Variants in FGF12 observed in about 807,000 individuals in gnomAD.
FGF12 encodes the protein fibroblast growth factor 12B.
FGF12 carries 14 observed loss-of-function variants against 23.6 expected under a neutral mutation model. That is an observed-to-expected ratio of 0.59 (90% CI 0.39 to 0.93). The LOEUF is 0.93. FGF12 is among the 40% of genes least tolerant of loss of function. FGF12 has a pLI of 0.00. For missense variants in FGF12, 175 were observed against 217.8 expected, an observed-to-expected ratio of 0.80 and a Z score of 1.24; for synonymous variants, 62 against 77.3, an observed-to-expected ratio of 0.80 and a Z score of 1.04.
At chr3:192,686,457 G>T (rs77942229) in intron 2 of FGF12, among the ~76,000 whole-genome samples, 5,700 of 152,080 alleles carry the variant, frequency 0.037, 380 homozygotes, top group African/African-American at 0.13. Context: ...TCCAGTTTGG[G>T]CACCCACCAT....
chr3:192,176,882 G>A (rs372847861), intron 4 of FGF12, among the ~76,000 whole-genome samples: 3 of 152,266 alleles, frequency 2.0e-5, no homozygotes, highest in South Asian at 4.1e-4. Context: ...TTTCCATTCT[G>A]TCTCCAACTA....
At chr3:192,195,934 C>T (rs950163260) in intron 4 of FGF12, among the ~76,000 whole-genome samples, 2 of 152,130 alleles carry the variant, frequency 1.3e-5, no homozygotes, top group African/African-American at 4.8e-5. Flanking sequence ...AGTCACCATG[C>T]TATAGAAGAG....
At chr3:192,519,125 TA>T (rs1470583629) in intron 2 of FGF12, among the ~76,000 whole-genome samples, 4 of 152,154 alleles carry the variant, frequency 2.6e-5, no homozygotes, top group Admixed American at 2.6e-4. Context: ...TTAACTAAAC[TA>T]CAAACTTTAT....
chr3:192,574,084 T>C (rs1712772763), intron 2 of FGF12, among the ~76,000 whole-genome samples: 1 of 152,246 alleles, frequency 6.6e-6, no homozygotes, highest in Non-Finnish European at 1.5e-5. Context: ...GCTATAAAGC[T>C]AGATGCTGCT....
intron 2 of FGF12, among the ~76,000 whole-genome samples, chr3:192,402,962 C>T (rs1194249810): frequency 6.6e-6 from 1 of 152,072 alleles, no homozygotes; most frequent in East Asian, 1.9e-4. Context: ...TCAAGCGTGT[C>T]CTCTATGTCT....
chr3:192,204,828 G>C (rs1323236698), intron 4 of FGF12, among the ~76,000 whole-genome samples: 1 of 152,074 alleles, frequency 6.6e-6, no homozygotes, highest in African/African-American at 2.4e-5. Context: ...AGATGTTGTG[G>C]TGAGCCAAGA....
At chr3:192,418,680 T>A (rs1721430164) in intron 2 of FGF12, among the ~76,000 whole-genome samples, 1 of 152,034 alleles carries the variant, frequency 6.6e-6, no homozygotes, top group Non-Finnish European at 1.5e-5. Context: ...GACAGTGAGT[T>A]CTCATGAGAT....
rs199507101 is a variant in FGF12, at chr3:192,199,204, G to A, written c.229-28548C>T. ...AATGGGGCAAGGGGAGAAAAGGGAT[G>A]AGATAATCTCAGATCTGTTCTATGT... On this transcript the variant is annotated intron_variant, in intron 4 of 5. Transcript: ENST00000445105. Among the ~76,000 whole-genome samples, 9 of 152,198 alleles carry A rather than the reference G, an allele frequency of 5.9e-5. No homozygotes were observed. The East Asian group carries it at 1.7e-3, about 29-fold the overall frequency.
At chr3:192,197,304 G>A (rs893481090) in intron 4 of FGF12, among the ~76,000 whole-genome samples, 2 of 152,076 alleles carry the variant, frequency 1.3e-5, no homozygotes, top group African/African-American at 4.8e-5. Flanking sequence ...TTTCAAACAC[G>A]TATCGTGTGT....
intron 2 of FGF12, among the ~76,000 whole-genome samples, chr3:192,634,134 C>A (rs899415030): frequency 7.6e-6 from 1 of 130,972 alleles, no homozygotes; most frequent in Non-Finnish European, 1.5e-5. Context: ...CTTCCTTTTT[C>A]TTTCTTTTTT....
intron 2 of FGF12, among the ~76,000 whole-genome samples, chr3:192,540,326 A>G (rs954091191): frequency 1.3e-5 from 2 of 151,948 alleles, no homozygotes; most frequent in African/African-American, 4.8e-5. Flanking sequence ...TATTGGTTTC[A>G]GTGTGTCGTG....
Position 192,408,286 on chromosome 3 carries a change from G to A in FGF12, c.14-47748C>T. The A allele has an allele frequency of 6.7e-7, 1 of 1,490,024 alleles. No homozygotes were observed. Among genetic ancestry groups the A allele is most frequent in the Non-Finnish European group, 8.9e-7 (1 of 1,125,174 alleles). The allele number at this position is 1,490,024 out of a possible 1,614,324, so 92.3% of individuals were successfully genotyped here. A position where few individuals can be genotyped will look rare whatever the true frequency, so the allele number is the denominator to read the frequency against. On this transcript the variant is annotated intron_variant, in intron 2 of 5. Coordinates refer to ENST00000445105, the MANE Select transcript of FGF12 (RefSeq NM_004113.6). This position sits in a 1 kb window ranked among gnomAD's most constrained non-coding sequence, Gnocchi z 7.3. ...GCGCCCTCCGGCTTGCGCTCCGCCG[G>A]GGCGAGGGCAGGACCTGGGCGGCCA...
chr3:192,350,486 T>C (rs1455073987), intron 3 of FGF12, among the ~76,000 whole-genome samples: 1 of 152,138 alleles, frequency 6.6e-6, no homozygotes, highest in African/African-American at 2.4e-5. Flanking sequence ...GACTGAAATA[T>C]TGAGGATAGG....
chr3:192,620,042 G>A (rs535735097), intron 2 of FGF12, among the ~76,000 whole-genome samples: 1 of 152,062 alleles, frequency 6.6e-6, no homozygotes, highest in Non-Finnish European at 1.5e-5. Flanking sequence ...CTCAGTGGGC[G>A]AGAAGAGCTT....
chr3:192,374,457 TTGA>T (rs1719382691), intron 2 of FGF12, among the ~76,000 whole-genome samples: 1 of 152,238 alleles, frequency 6.6e-6, no homozygotes, highest in Non-Finnish European at 1.5e-5. Context: ...TTAATTTGCT[TTGA>T]TGAAGATTAT....
chr3:192,272,243 C>T (rs1713494456), intron 4 of FGF12, among the ~76,000 whole-genome samples: 1 of 152,064 alleles, frequency 6.6e-6, no homozygotes, highest in Non-Finnish European at 1.5e-5. Context: ...TTTTCAGTAA[C>T]TGTTATTGCT....
rs778184330 is a variant in FGF12 at position 192,360,585 on chromosome 3, T to C, written c.14-47A>G. The C allele has an allele frequency of 1.6e-6, 2 of 1,274,206 alleles. No individual in the cohort carries two copies. The highest frequency in any genetic ancestry group is 2.3e-6 in the Non-Finnish European group (2 of 870,118). The allele number at this position is 1,274,206 out of a possible 1,614,324, so 78.9% of individuals were successfully genotyped here. A position where few individuals can be genotyped will look rare whatever the true frequency, so the allele number is the denominator to read the frequency against. ...CAAATTTTTATTTGGCTTACACAAA[T>C]GCACACTTACAGATTGTTAAAAACA... is the stretch of plus-strand genomic sequence containing the variant. On this transcript the variant is annotated intron_variant, in intron 2 of 5. Coordinates refer to ENST00000445105, the MANE Select transcript of FGF12 (RefSeq NM_004113.6). The surrounding 1 kb of genome is among the most constrained non-coding windows in gnomAD (Gnocchi z 4.3).
At chr3:192,190,468 C>CTTTTTTTTTTTTTTTTT (rs34108891) in intron 4 of FGF12, among the ~76,000 whole-genome samples, 1 of 89,104 alleles carries the variant, frequency 1.1e-5, no homozygotes, top group Non-Finnish European at 2.1e-5. Flanking sequence ...GCCCAATACT[C>CTTTTTTTTTTTTTTTTT]TTTTTTTTTT....
intron 4 of FGF12, among the ~76,000 whole-genome samples, chr3:192,179,549 A>ATT (rs10608823): frequency 1.2e-4 from 17 of 139,526 alleles, no homozygotes; most frequent in East Asian, 1.0e-3. Flanking sequence ...TGTAAGGTTG[A>ATT]TTTTTTTTTT....
Sources: allele counts gnomAD v4.1 joint callset (sites outside exome capture counted in the v4.1 genomes callset), GRCh38; gene constraint gnomAD v4.1.1; non-coding constraint Gnocchi (gnomAD v3.1); transcripts MANE v1.5; gene names NCBI Gene and HGNC (gene_info 2026-07-23, HGNC 2026-07-21).